BAZ2B: variants seen among roughly 807,000 people sequenced by gnomAD.
BAZ2B encodes the protein bromodomain adjacent to zinc finger domain 2B, also known as bromodomain adjacent to zinc finger domain protein 2B.
A neutral mutation model predicts 246.0 loss-of-function variants in BAZ2B; 91 were observed. The ratio of observed to expected loss-of-function variants is 0.37; its 90% confidence interval spans 0.31 to 0.44. The LOEUF is 0.44. BAZ2B is among the 20% of genes least tolerant of loss of function. The pLI, the probability that BAZ2B is intolerant of heterozygous loss-of-function variation, is 1.00. For synonymous variants in BAZ2B, 855 were observed against 860.0 expected (o/e 0.99, Z 0.10); for missense variants, 2,332 against 2,533.7 (o/e 0.92, Z 1.71).
chr2:159,599,655 G>C (rs962332091), intron 1 of BAZ2B, among the ~76,000 whole-genome samples: 22 of 148,408 alleles, frequency 1.5e-4, no homozygotes, highest in African/African-American at 4.7e-4. Flanking sequence ...AGAAATCTGG[G>C]GCCTGGCATG....
chr2:159,424,722 G>A (rs1003212990), intron 13 of BAZ2B, among the ~76,000 whole-genome samples: 3 of 152,092 alleles, frequency 2.0e-5, no homozygotes, highest in Non-Finnish European at 4.4e-5. Flanking sequence ...AGATATTCAA[G>A]TCCCTGAATA....
intron 14 of BAZ2B, among the ~76,000 whole-genome samples, chr2:159,407,726 T>C (rs2066184729): frequency 6.6e-6 from 1 of 152,156 alleles, no homozygotes; most frequent in Non-Finnish European, 1.5e-5. Context: ...GATGATAAAG[T>C]ATTATCTCCA....
chr2:159,473,980 A>G (rs2078167924), intron 3 of BAZ2B, among the ~76,000 whole-genome samples: 3 of 152,262 alleles, frequency 2.0e-5, no homozygotes, highest in South Asian at 4.1e-4. Flanking sequence ...TTTACTTCCA[A>G]TTATGTGGTC....
chr2:159,414,422 A>G (rs1427265772), intron 13 of BAZ2B, among the ~76,000 whole-genome samples: 2 of 152,238 alleles, frequency 1.3e-5, no homozygotes, highest in Admixed American at 6.5e-5. Flanking sequence ...CTAAAAGAGT[A>G]TAACTGGATT....
At chr2:159,506,161 AC>A (rs977915785) in intron 2 of BAZ2B, among the ~76,000 whole-genome samples, 20 of 151,964 alleles carry the variant, frequency 1.3e-4, no homozygotes, top group Admixed American at 1.2e-3. Context: ...CAGGACCTCC[AC>A]CCCTCCGAAA....
chr2:159,638,347 A>C, the BAZ2B span, among the ~76,000 whole-genome samples: 841 of 152,326 alleles, frequency 5.5e-3, 3 homozygotes, highest in African/African-American at 0.019. Flanking sequence ...ACTGATGAAC[A>C]TCTATAAGCA....
intron 1 of BAZ2B, among the ~76,000 whole-genome samples, chr2:159,592,152 AAAG>A (rs1204311593): frequency 6.6e-6 from 1 of 152,168 alleles, no homozygotes; most frequent in Non-Finnish European, 1.5e-5. Flanking sequence ...AAGAAAAAAA[AAAG>A]AAATAAACCC....
intron 27 of BAZ2B, among the ~76,000 whole-genome samples, chr2:159,367,013 T>C (rs1206431142): frequency 1.3e-5 from 2 of 152,134 alleles, no homozygotes; most frequent in African/African-American, 4.8e-5. Flanking sequence ...GCAAACCTGC[T>C]TAGCCACCGA....
intron 6 of BAZ2B, among the ~76,000 whole-genome samples, chr2:159,443,707 T>C (rs2073832057): frequency 6.6e-6 from 1 of 152,166 alleles, no homozygotes; most frequent in African/African-American, 2.4e-5. Context: ...TTATTTCTGC[T>C]TAGTTGCCTT....
chr2:159,317,554 A>G (rs2062242529), downstream of BAZ2B, among the ~76,000 whole-genome samples: 1 of 152,204 alleles, frequency 6.6e-6, no homozygotes, highest in Non-Finnish European at 1.5e-5. Flanking sequence ...TGTGTTCAAC[A>G]GTAGTGGATT....
the BAZ2B span, among the ~76,000 whole-genome samples, chr2:159,635,462 C>CT: frequency 6.6e-6 from 1 of 152,110 alleles, no homozygotes; most frequent in South Asian, 2.1e-4. Flanking sequence ...AAGATCACAG[C>CT]TTTTTCGGAG....
chr2:159,401,030 G>A (rs542789029), intron 16 of BAZ2B, among the ~76,000 whole-genome samples: 82 of 151,604 alleles, frequency 5.4e-4, no homozygotes, highest in African/African-American at 1.9e-3. Context: ...GCGACAGAGC[G>A]AGACTCCGTC....
chr2:159,537,435 T>C (rs961169944), intron 2 of BAZ2B, among the ~76,000 whole-genome samples: 1 of 152,260 alleles, frequency 6.6e-6, no homozygotes, highest in African/African-American at 2.4e-5. Flanking sequence ...CACTGTTACC[T>C]GTCTGTGTTA....
At chr2:159,706,852 A>G in the BAZ2B span, among the ~76,000 whole-genome samples, 1 of 152,204 alleles carries the variant, frequency 6.6e-6, no homozygotes, top group Non-Finnish European at 1.5e-5. Context: ...TAATATCTAC[A>G]ATCTGTTGAC....
chr2:159,564,795 TAAC>T (rs1218048713), intron 1 of BAZ2B, among the ~76,000 whole-genome samples: 1 of 152,154 alleles, frequency 6.6e-6, no homozygotes, highest in Non-Finnish European at 1.5e-5. Flanking sequence ...TCAGGAAAGA[TAAC>T]ATGACAAACT....
At chr2:159,379,834 T>C (rs1208033960) in intron 25 of BAZ2B, among the ~76,000 whole-genome samples, 1 of 152,196 alleles carries the variant, frequency 6.6e-6, no homozygotes, top group Non-Finnish European at 1.5e-5. Context: ...TTTCTAGACT[T>C]CCTTAGCTAA....
chr2:159,657,584 T>C, the BAZ2B span, among the ~76,000 whole-genome samples: 382 of 152,342 alleles, frequency 2.5e-3, 2 homozygotes, highest in Middle Eastern at 0.01. Context: ...AGACTCTTCC[T>C]ATCCATGTAC....
At chr2:159,372,522 G>T (rs947781760) in intron 27 of BAZ2B, among the ~76,000 whole-genome samples, 3 of 152,124 alleles carry the variant, frequency 2.0e-5, no homozygotes, top group African/African-American at 4.8e-5. Flanking sequence ...GAAATCTAAA[G>T]GTAGAATATC....
intron 32 of BAZ2B, 162 bp downstream of exon 32, chr2:159,337,405 T>G: frequency 6.9e-7 from 1 of 1,452,564 alleles, no homozygotes; most frequent in South Asian, 1.3e-5. Context: ...CAATAGAAAA[T>G]AGGCTCCAAT....
Sources: allele counts gnomAD v4.1 joint callset (sites outside exome capture counted in the v4.1 genomes callset), GRCh38; gene constraint gnomAD v4.1.1; transcripts MANE v1.5; gene names NCBI Gene and HGNC (gene_info 2026-07-23, HGNC 2026-07-21).